The following SUPT3H variants were observed in gnomAD, a reference collection of about 807,000 sequenced individuals.
SUPT3H encodes SPT3 homolog, SAGA and STAGA complex component.
Under a neutral mutation model 44.3 loss-of-function variants are expected in SUPT3H, and 44 were observed. The ratio of observed to expected loss-of-function variants is 0.99; its 90% CI spans 0.78 to 1.28. SUPT3H has a LOEUF of 1.28. Ranked by LOEUF, SUPT3H falls within the 50% of genes most tolerant of loss-of-function variation. SUPT3H has a pLI of 0.00. For missense variants in SUPT3H, 380 were observed against 387.1 expected (o/e 0.98, Z 0.15); for synonymous variants, 124 against 125.6 (o/e 0.99, Z 0.09).
At chr6:45,144,758 T>G (rs900202870) in intron 2 of SUPT3H, among the ~76,000 whole-genome samples, 1 of 152,076 alleles carries the variant, frequency 6.6e-6, no homozygotes, top group Non-Finnish European at 1.5e-5. Context: ...TAGAAAACCC[T>G]AAAGACTCAT....
At position 45,278,594 on chromosome 6, in the gene SUPT3H, G is replaced by T. The variant is rs748043878; in HGVS notation, c.101+86607C>A. 2.0e-5 allele frequency among the ~76,000 whole-genome samples: 3 copies of T among 152,118 alleles called. No individual in the cohort carries two copies. The South Asian group carries it at 6.2e-4, about 31-fold the overall frequency. On this transcript the variant is annotated intron_variant, in intron 2 of 10. Transcript: ENST00000371459. ...GACAACTAGCGAACTAGCTTCCAAA[G>T]CCACTAACAGTAGCTTACAAAGTCA...
intron 10 of SUPT3H, among the ~76,000 whole-genome samples, chr6:44,900,138 C>A (rs1450365924): frequency 6.6e-6 from 1 of 152,196 alleles, no homozygotes; most frequent in Non-Finnish European, 1.5e-5. Context: ...AACTGAGGTA[C>A]CCGGTTCATC....
intron 7 of SUPT3H, 92 bp from the exon 8 acceptor site, chr6:44,954,699 C>A: frequency 1.4e-6 from 1 of 710,270 alleles, no homozygotes; most frequent in South Asian, 1.8e-5. Flanking sequence ...AAAGTATACT[C>A]AGAATTGTAC....
chr6:45,235,597 T>G (rs960616189), intron 2 of SUPT3H, among the ~76,000 whole-genome samples: 2 of 152,164 alleles, frequency 1.3e-5, no homozygotes, highest in Non-Finnish European at 2.9e-5. Flanking sequence ...CGCATTTATT[T>G]TTAAGTAAAT....
chr6:45,222,275 GC>G (rs1330043503), intron 2 of SUPT3H, among the ~76,000 whole-genome samples: 3 of 152,090 alleles, frequency 2.0e-5, no homozygotes, highest in Non-Finnish European at 4.4e-5. Flanking sequence ...CTTTTGCTAT[GC>G]AAAAGAGCCT....
intron 10 of SUPT3H, among the ~76,000 whole-genome samples, chr6:44,860,225 T>C (rs562056773): frequency 6.6e-6 from 1 of 152,202 alleles, no homozygotes; most frequent in Non-Finnish European, 1.5e-5. Flanking sequence ...AATGAACTCA[T>C]TTCATTAATA....
intron 2 of SUPT3H, among the ~76,000 whole-genome samples, chr6:45,288,451 AAATT>A (rs1437095327): frequency 1.3e-5 from 2 of 151,362 alleles, no homozygotes. Flanking sequence ...ATAGATGGCA[AAATT>A]ATTATAAATT....
At chr6:44,817,130 CCA>C (rs113166419) in intron 11 of SUPT3H, among the ~76,000 whole-genome samples, 1 of 140,646 alleles carries the variant, frequency 7.1e-6, no homozygotes, top group East Asian at 2.2e-4. Flanking sequence ...ACACACATGC[CCA>C]CACACACGGA....
chr6:45,294,320 G>A (rs1245354466), intron 2 of SUPT3H, among the ~76,000 whole-genome samples: 1 of 152,000 alleles, frequency 6.6e-6, no homozygotes, highest in South Asian at 2.1e-4. Context: ...AGCATACAAG[G>A]GATATACCTC....
intron 3 of SUPT3H, among the ~76,000 whole-genome samples, chr6:45,090,658 C>T (rs900923226): frequency 7.3e-5 from 11 of 151,542 alleles, no homozygotes; most frequent in Admixed American, 5.3e-4. Flanking sequence ...TCATTGAAAC[C>T]GTATTCTTAT....
At chr6:45,202,131 A>G (rs950205993) in intron 2 of SUPT3H, among the ~76,000 whole-genome samples, 3 of 151,930 alleles carry the variant, frequency 2.0e-5, no homozygotes, top group African/African-American at 7.2e-5. Flanking sequence ...AATATCTTCC[A>G]AAATAAGAAA....
intron 2 of SUPT3H, among the ~76,000 whole-genome samples, chr6:45,242,883 C>T (rs1318477165): frequency 6.6e-6 from 1 of 151,936 alleles, no homozygotes; most frequent in Non-Finnish European, 1.5e-5. Context: ...CAAAACTTGG[C>T]AGGAAAAGCT....
intron 2 of SUPT3H, among the ~76,000 whole-genome samples, chr6:45,130,616 A>T (rs1168123737): frequency 6.8e-6 from 1 of 147,656 alleles, no homozygotes; most frequent in East Asian, 2.0e-4. Flanking sequence ...ATTTACGGGT[A>T]TCCTTTATCT....
At chr6:45,159,736 C>T (rs184672131) in intron 2 of SUPT3H, among the ~76,000 whole-genome samples, 2 of 152,288 alleles carry the variant, frequency 1.3e-5, no homozygotes, top group East Asian at 1.9e-4. Context: ...TAGTTAGCTT[C>T]TCCTTATTAC....
intron 4 of SUPT3H, among the ~76,000 whole-genome samples, chr6:45,020,313 G>C (rs559114896): frequency 2.2e-4 from 33 of 152,078 alleles, no homozygotes; most frequent in Non-Finnish European, 3.5e-4. Context: ...AGACGCATAA[G>C]GATAAGTGAG....
intron 2 of SUPT3H, among the ~76,000 whole-genome samples, chr6:45,340,954 G>A (rs1259369925): frequency 6.6e-6 from 1 of 152,008 alleles, no homozygotes; most frequent in African/African-American, 2.4e-5. Context: ...CTACACATAT[G>A]CTAAGTGATC....
chr6:45,232,998 G>T (rs1300755031), intron 2 of SUPT3H, among the ~76,000 whole-genome samples: 1 of 152,124 alleles, frequency 6.6e-6, no homozygotes, highest in Admixed American at 6.5e-5. Flanking sequence ...CTCTTACGGG[G>T]GGAAGAGATC....
chr6:45,273,482 T>C (rs1562841975), intron 2 of SUPT3H, among the ~76,000 whole-genome samples: 1 of 152,200 alleles, frequency 6.6e-6, no homozygotes, highest in Non-Finnish European at 1.5e-5. Flanking sequence ...CAAATGGATG[T>C]CTTATCCATC....
intron 10 of SUPT3H, among the ~76,000 whole-genome samples, chr6:44,857,860 A>T (rs943543450): frequency 3.9e-5 from 6 of 152,196 alleles, no homozygotes; most frequent in Non-Finnish European, 8.8e-5. Flanking sequence ...AAACCTGTTG[A>T]TATATGGGGT....
Sources: gnomAD v4.1 joint callset for allele counts (sites outside exome capture counted in the v4.1 genomes callset) on GRCh38, gnomAD v4.1.1 for gene constraint, MANE v1.5 for transcripts, NCBI Gene and HGNC (gene_info 2026-07-23, HGNC 2026-07-21) for gene names.